SLC35F5: variants seen among roughly 807,000 people sequenced by gnomAD.
SLC35F5 encodes the protein HCV NS5A-transactivated protein 3.
SLC35F5 carries 54 observed loss-of-function variants against 68.6 expected under a neutral mutation model. The observed-to-expected ratio is 0.79, with a 90% CI of 0.63 to 0.99. The LOEUF (loss-of-function observed/expected upper bound fraction) is 0.99, where lower values mean the gene tolerates loss of function less well. Ranked by LOEUF, SLC35F5 falls within the 50% of genes least tolerant of loss-of-function variation. The pLI, the probability that SLC35F5 is intolerant of heterozygous loss-of-function variation, is 0.00. For missense variants in SLC35F5, 567 were observed against 626.9 expected, an observed-to-expected ratio of 0.90 and a Z score of 1.02; for synonymous variants, 211 against 205.2, an observed-to-expected ratio of 1.03 and a Z score of -0.24.
intron 7 of SLC35F5, among the ~76,000 whole-genome samples, chr2:113,738,495 C>T (rs1284800655): frequency 6.6e-6 from 1 of 151,980 alleles, no homozygotes; most frequent in African/African-American, 2.4e-5. Context: ...ATATATTCAT[C>T]CATCGATAGA....
At chr2:113,703,766 C>T (rs1222142734), downstream of SLC35F5, 2 of 152,130 alleles carry the variant, frequency 1.3e-5, no homozygotes, top group African/African-American at 4.8e-5. Flanking sequence ...ATAAAACAAG[C>T]TGGATTAGCC....
chr2:113,714,285 T>C lies in SLC35F5; in HGVS notation c.*933A>G, dbSNP rs1324408856. Reference sequence around the variant, plus strand: ...TATTTAAAGAAGAGACATCTAGTTCTAGAGTAATCTGGCACATTCATATGT... The same window carrying C: ...TATTTAAAGAAGAGACATCTAGTTCCAGAGTAATCTGGCACATTCATATGT... On this transcript the variant is annotated 3_prime_UTR_variant, in exon 16 of 16. Transcript: ENST00000245680. 1 of 152,164 alleles carries C rather than the reference T, an allele frequency of 6.6e-6. No individual in the cohort carries two copies. Among genetic ancestry groups the C allele is most frequent in the African/African-American group, 2.4e-5 (1 of 41,456 alleles). The allele number at this position is 152,164 out of a possible 1,614,324, so 9.4% of individuals were successfully genotyped here.
chr2:113,751,013 C>T (rs527262787), intron 3 of SLC35F5, among the ~76,000 whole-genome samples: 32 of 152,234 alleles, frequency 2.1e-4, no homozygotes, highest in South Asian at 2.1e-3. Flanking sequence ...AGGGTGGTGG[C>T]GTGCACCCTC....
intron 14 of SLC35F5, among the ~76,000 whole-genome samples, chr2:113,718,243 T>A (rs1260991905): frequency 6.6e-6 from 1 of 152,054 alleles, no homozygotes; most frequent in East Asian, 1.9e-4. Flanking sequence ...TGCCATCATG[T>A]CTGGGTAATT....
At chr2:113,735,947 C>T (rs10199704) in intron 7 of SLC35F5, 89 bp from the exon 8 acceptor site, 392,476 of 779,210 alleles carry the variant, frequency 0.5, 103,345 homozygotes, top group Middle Eastern at 0.61. Context: ...TTGTTCTCCT[C>T]CTAAATACCG....
At chr2:113,735,713 C>A (rs1258198443) in intron 8 of SLC35F5, 64 bp downstream of exon 8, 5 of 1,052,438 alleles carry the variant, frequency 4.8e-6, no homozygotes, top group Non-Finnish European at 7.1e-6. Context: ...TACATGTACA[C>A]ACATATATAC....
At chr2:113,740,289 C>T (rs1676207251) in intron 7 of SLC35F5, among the ~76,000 whole-genome samples, 1 of 152,182 alleles carries the variant, frequency 6.6e-6, no homozygotes, top group Non-Finnish European at 1.5e-5. Flanking sequence ...GCACACAACT[C>T]ATCCGTAGGC....
intron 13 of SLC35F5, among the ~76,000 whole-genome samples, chr2:113,720,290 T>C (rs1267237359): frequency 8.8e-6 from 1 of 113,512 alleles, no homozygotes; most frequent in Admixed American, 8.8e-5. Flanking sequence ...ATCTATAAAA[T>C]AGGAAAGGAA....
chr2:113,729,325 C>A (rs1356931138), intron 11 of SLC35F5, 76 bp downstream of exon 11: 6 of 719,008 alleles, frequency 8.3e-6, no homozygotes, highest in Non-Finnish European at 1.2e-5. Context: ...CTTCCCTATT[C>A]CCTCTGAAAA....
rs1687035036 is a variant in SLC35F5, at chr2:113,712,773, G to C, written c.*2445C>G. Reference sequence around the variant, plus strand: ...ATGAGATTTAAGTGATGAATGGAAAGAAAAGAAGGAGACTGAAAAGATATC... The same window carrying C: ...ATGAGATTTAAGTGATGAATGGAAACAAAAGAAGGAGACTGAAAAGATATC... On this transcript the variant is annotated 3_prime_UTR_variant, in exon 16 of 16. Transcript: ENST00000245680. 1 of 152,240 alleles carries C rather than the reference G, an allele frequency of 6.6e-6. No individual in the cohort carries two copies. The highest frequency in any genetic ancestry group is 2.4e-5 in the African/African-American group (1 of 41,464). The allele number at this position is 152,240 out of a possible 1,614,324, so 9.4% of individuals were successfully genotyped here. A position where few individuals can be genotyped will look rare whatever the true frequency, so the allele number is the denominator to read the frequency against.
downstream of SLC35F5, chr2:113,705,273 G>C (rs1465204952): frequency 3.3e-5 from 5 of 152,408 alleles, no homozygotes; most frequent in African/African-American, 1.2e-4. Context: ...GATGCTGTGG[G>C]CCGGGCGCGG....
At chr2:113,742,407 A>G (rs1676312461) in intron 7 of SLC35F5, 1 of 475,206 alleles carries the variant, frequency 2.1e-6, no homozygotes, top group African/African-American at 1.9e-5. Flanking sequence ...GCATGAGGCA[A>G]TGCTAAATTC....
At chr2:113,753,150 T>C (rs1219043018) in intron 3 of SLC35F5, among the ~76,000 whole-genome samples, 1 of 148,108 alleles carries the variant, frequency 6.8e-6, no homozygotes, top group Non-Finnish European at 1.5e-5. Flanking sequence ...ACACACTTTA[T>C]CTCCAAAGTT....
rs1385507036 is a variant in SLC35F5 at position 113,708,475 on chromosome 2, C to T, written c.*6743G>A. 6.6e-6 allele frequency among the ~76,000 whole-genome samples: 1 copy of T among 152,078 alleles called. No homozygotes were observed. Among genetic ancestry groups the T allele is most frequent in the Non-Finnish European group, 1.5e-5 (1 of 68,006 alleles). ...ATCCCAGCACTTTGGGAGGCCGAGG[C>T]GTGTAGATCACTTGAGGTCAAGAGT... On this transcript the variant is annotated 3_prime_UTR_variant, in exon 16 of 16. Transcript: ENST00000245680.
rs1460727182 is a variant in SLC35F5 at position 113,712,810 on chromosome 2, T to C, written c.*2408A>G. On this transcript the variant is annotated 3_prime_UTR_variant, in exon 16 of 16. Transcript: ENST00000245680. ...ACTGAAAAGATATCAGAAATTTCTA[T>C]TTGTTTTTAGATTCAGAAAAATATA... is the stretch of plus-strand genomic sequence containing the variant. The C allele has an allele frequency of 1.3e-5, 2 of 152,224 alleles. No individual in the cohort carries two copies. Among genetic ancestry groups the C allele is most frequent in the Non-Finnish European group, 2.9e-5 (2 of 68,044 alleles). The allele number at this position is 152,224 out of a possible 1,614,324, so 9.4% of individuals were successfully genotyped here.
At chr2:113,739,432 G>C (rs1481126488) in intron 7 of SLC35F5, among the ~76,000 whole-genome samples, 1 of 152,162 alleles carries the variant, frequency 6.6e-6, no homozygotes, top group African/African-American at 2.4e-5. Flanking sequence ...CAAGGATTTG[G>C]TGGGCCAACT....
intron 13 of SLC35F5, among the ~76,000 whole-genome samples, chr2:113,720,051 GA>G (rs933255004): frequency 3.8e-4 from 54 of 143,368 alleles, no homozygotes; most frequent in African/African-American, 9.7e-4. Context: ...AAATCAAAAA[GA>G]AAAAAAAATA....
In SLC35F5 at chr2:113,725,371, T is replaced by C; in HGVS notation, c.1250+7A>G. On this transcript the variant is annotated splice_region_variant and intron_variant, in intron 12 of 15. Transcript: ENST00000245680. ...CTGATAATAATTGGAGAATAAACAG[T>C]ACATACCACAACCACAGGAACTCTG... is the stretch of plus-strand genomic sequence containing the variant. 5.0e-6 allele frequency: 8 copies of C among 1,596,472 alleles called. No homozygotes were observed. Among genetic ancestry groups the C allele is most frequent in the Non-Finnish European group, 6.8e-6 (8 of 1,175,162 alleles).
intron 1 of SLC35F5, chr2:113,756,148 G>A (rs1423218935): frequency 2.1e-6 from 3 of 1,446,966 alleles, no homozygotes; most frequent in Non-Finnish European, 2.7e-6. Context: ...ACGCCTCCCC[G>A]GGGAGCCGAG....
Sources: allele counts gnomAD v4.1 joint callset (sites outside exome capture counted in the v4.1 genomes callset), GRCh38; gene constraint gnomAD v4.1.1; transcripts MANE v1.5; gene names NCBI Gene and HGNC (gene_info 2026-07-23, HGNC 2026-07-21).